Variants in ANKRD1 observed in about 807,000 individuals in gnomAD.
ANKRD1 encodes the protein ankyrin repeat domain 1, also known as ankyrin repeat domain-containing protein 1.
ANKRD1 carries 32 observed loss-of-function variants against 40.1 expected under a neutral mutation model. The observed-to-expected ratio is 0.80, with a 90% CI of 0.60 to 1.07. The LOEUF is 1.07. Among genes scored for constraint, ANKRD1 ranks in the 50% least tolerant of loss-of-function variants. The pLI is 0.00. For synonymous variants in ANKRD1, 149 were observed against 141.2 expected (o/e 1.06, Z -0.39); for missense variants, 359 against 386.0 (o/e 0.93, Z 0.59).
At chr10:90,920,419 G>C in intron 1 of ANKRD1, 71 bp from the exon 2 acceptor site, 1 of 1,572,206 alleles carries the variant, frequency 6.4e-7, no homozygotes, top group South Asian at 1.1e-5. Flanking sequence ...AGACAATGCC[G>C]CAGGAGGCTC....
At chr10:90,913,509 C>T (rs1240530469) in intron 8 of ANKRD1, among the ~76,000 whole-genome samples, 1 of 152,164 alleles carries the variant, frequency 6.6e-6, no homozygotes, top group African/African-American at 2.4e-5. Flanking sequence ...TCAATGGACT[C>T]TCCCAGGAAA....
chr10:90,918,694 T>C (rs1449597233), intron 4 of ANKRD1, among the ~76,000 whole-genome samples, 171 bp downstream of exon 4: 2 of 152,192 alleles, frequency 1.3e-5, no homozygotes, highest in South Asian at 4.1e-4. Flanking sequence ...TAATATCTAT[T>C]TATTTTTTGG....
In ANKRD1 at chr10:90,916,125, G is replaced by A. The variant is rs548071940; in HGVS notation, c.651+46C>T. The A allele has an allele frequency of 3.8e-6, 5 of 1,317,150 alleles. No individual in the cohort carries two copies. The South Asian group carries it at 5.9e-5, about 16-fold the overall frequency. 81.6% of individuals were successfully genotyped at this position (1,317,150 alleles called of 1,614,324 possible). On this transcript the variant is annotated intron_variant, in intron 6 of 8. Coordinates refer to ENST00000371697, the MANE Select transcript of ANKRD1 (RefSeq NM_014391.3). ...GAGAAGTGGAGAAGGATGGGGGACA[G>A]GGAGGGGGAGGGGGTGAATGAAGGG...
At chr10:90,920,394 T>G in intron 1 of ANKRD1, 46 bp from the exon 2 acceptor site, 4 of 1,609,082 alleles carry the variant, frequency 2.5e-6, no homozygotes, top group Non-Finnish European at 3.4e-6. Flanking sequence ...AGCCTCGTCC[T>G]GGGTCATTCT....
At chr10:90,915,299 A>G (rs1847357038) in intron 8 of ANKRD1, among the ~76,000 whole-genome samples, 1 of 152,172 alleles carries the variant, frequency 6.6e-6, no homozygotes, top group Non-Finnish European at 1.5e-5. Flanking sequence ...CCAAATTGTA[A>G]AAGAATTACT....
At chr10:90,917,221 G>T (rs1157633317) in intron 5 of ANKRD1, among the ~76,000 whole-genome samples, 1 of 152,072 alleles carries the variant, frequency 6.6e-6, no homozygotes, top group Non-Finnish European at 1.5e-5. Context: ...CTGCATACTG[G>T]TCTTCGTAGA....
intron 1 of ANKRD1, 41 bp from the exon 2 acceptor site, chr10:90,920,389 C>T (rs371521728): frequency 5.9e-5 from 95 of 1,609,672 alleles, no homozygotes; most frequent in Non-Finnish European, 7.9e-5. Flanking sequence ...GCAGCAGCCT[C>T]GTCCTGGGTC....
chr10:90,917,361 G>C (rs1766816831), intron 5 of ANKRD1, among the ~76,000 whole-genome samples: 2 of 152,194 alleles, frequency 1.3e-5, no homozygotes. Context: ...TGTGCAGCTA[G>C]AGAATTCGTA....
intron 2 of ANKRD1, among the ~76,000 whole-genome samples, chr10:90,919,743 A>G (rs1847414243): frequency 6.6e-6 from 1 of 152,252 alleles, no homozygotes; most frequent in African/African-American, 2.4e-5. Flanking sequence ...AGCTAACTAA[A>G]GCAAATTTTA....
chr10:90,917,229 A>G (rs1847382701), intron 5 of ANKRD1, among the ~76,000 whole-genome samples: 1 of 152,218 alleles, frequency 6.6e-6, no homozygotes, highest in Non-Finnish European at 1.5e-5. Flanking sequence ...TGGTCTTCGT[A>G]GAAATCACAG....
At position 90,912,705 on chromosome 10, in the gene ANKRD1, T is replaced by C. The variant is rs2120259820; in HGVS notation, c.*161A>G. The C allele has an allele frequency of 1.5e-6, 1 of 677,260 alleles. No individual in the cohort carries two copies. The allele number at this position is 677,260 out of a possible 1,614,324, so 42.0% of individuals were successfully genotyped here. A position where few individuals can be genotyped will look rare whatever the true frequency, so the allele number is the denominator to read the frequency against. The stretch of plus-strand genomic sequence containing the variant: ...TAAATAAGAGTTTCACTAAAGGAAA[T>C]TTAAACACCTATAACCCTGTGCTTT... On this transcript the variant is annotated 3_prime_UTR_variant, in exon 9 of 9. Coordinates refer to ENST00000371697, the MANE Select transcript of ANKRD1 (RefSeq NM_014391.3).
intron 4 of ANKRD1, 68 bp from the exon 5 acceptor site, chr10:90,917,898 G>T: frequency 7.7e-7 from 1 of 1,300,124 alleles, no homozygotes; most frequent in Non-Finnish European, 1.1e-6. Context: ...CCTTTTAAGA[G>T]CTATGAAGCT....
rs577632256 is a variant in ANKRD1, at chr10:90,912,795, G to C, written c.*71C>G. 1.5e-6 allele frequency: 2 copies of C among 1,357,770 alleles called. No homozygotes were observed. The highest frequency in any genetic ancestry group is 3.4e-5 in the Admixed American group (2 of 59,636). The allele number at this position is 1,357,770 out of a possible 1,614,324, so 84.1% of individuals were successfully genotyped here. A position where few individuals can be genotyped will look rare whatever the true frequency, so the allele number is the denominator to read the frequency against. On this transcript the variant is annotated 3_prime_UTR_variant, in exon 9 of 9. Transcript: ENST00000371697. Reference sequence around the variant, plus strand: ...AAATAGAAACTAGATTTTATGGCTAGTGTCTCTTCTCTTGGGCCATGCCTT... The same window carrying C: ...AAATAGAAACTAGATTTTATGGCTACTGTCTCTTCTCTTGGGCCATGCCTT...
At chr10:90,920,497 C>A (rs1847425864) in intron 1 of ANKRD1, 149 bp from the exon 2 acceptor site, 2 of 823,666 alleles carry the variant, frequency 2.4e-6, no homozygotes, top group Admixed American at 3.7e-5. Flanking sequence ...CTGCGATGCA[C>A]ACTGCTACAA....
chr10:90,916,278 G>A lies in ANKRD1; in HGVS notation c.553-9C>T. 1 of 1,603,438 alleles carries A rather than the reference G, an allele frequency of 6.2e-7. No individual in the cohort carries two copies. The highest frequency in any genetic ancestry group is 8.5e-7 in the Non-Finnish European group (1 of 1,170,390). On this transcript the variant is annotated splice_polypyrimidine_tract_variant and intron_variant, in intron 5 of 8. Coordinates refer to ENST00000371697, the MANE Select transcript of ANKRD1 (RefSeq NM_014391.3). Reference sequence around the variant, plus strand: ...ATGGCTGTGGATTCAAGCTATACCGGGAGGGAAGACCCGACAATGTGAAGG... The same window carrying A: ...ATGGCTGTGGATTCAAGCTATACCGAGAGGGAAGACCCGACAATGTGAAGG...
chr10:90,916,201 ATTCAG>A lies in ANKRD1; in HGVS notation c.616_620del (p.Leu206Ter). The A allele has an allele frequency of 6.2e-7, 1 of 1,614,060 alleles. No homozygotes were observed. Among genetic ancestry groups the A allele is most frequent in the Non-Finnish European group, 8.5e-7 (1 of 1,179,990 alleles). ...CTCGGGCGCTAATTTTTGCTCCTTT[ATTCAG>A]CAACAATTTTAAAACATCCAGGTTT... On this transcript the variant is annotated frameshift_variant, in exon 6 of 9. Coordinates refer to ENST00000371697, the MANE Select transcript of ANKRD1 (RefSeq NM_014391.3). LOFTEE classifies it high-confidence loss of function.
intron 2 of ANKRD1, 115 bp downstream of exon 2, chr10:90,920,054 C>G: frequency 6.9e-7 from 1 of 1,454,902 alleles, no homozygotes; most frequent in South Asian, 1.1e-5. Flanking sequence ...GGGTTAGAAT[C>G]TGGTAAAGAG....
rs2120259901 is a variant in ANKRD1, at chr10:90,912,789, T to C, written c.*77A>G. 3.9e-6 allele frequency: 5 copies of C among 1,297,030 alleles called. No homozygotes were observed. The highest frequency in any genetic ancestry group is 2.9e-5 in the African/African-American group (2 of 68,874). The allele number at this position is 1,297,030 out of a possible 1,614,324, so 80.3% of individuals were successfully genotyped here. A position where few individuals can be genotyped will look rare whatever the true frequency, so the allele number is the denominator to read the frequency against. On this transcript the variant is annotated 3_prime_UTR_variant, in exon 9 of 9. Transcript: ENST00000371697. ...GTTGATAAATAGAAACTAGATTTTA[T>C]GGCTAGTGTCTCTTCTCTTGGGCCA...
At chr10:90,920,849 A>G (rs1394083839) in intron 1 of ANKRD1, 152 bp downstream of exon 1, 2 of 708,572 alleles carry the variant, frequency 2.8e-6, no homozygotes, top group Non-Finnish European at 4.7e-6. Flanking sequence ...TTTTTTTCCA[A>G]TTTCACTTGT....
Sources: allele counts gnomAD v4.1 joint callset (sites outside exome capture counted in the v4.1 genomes callset), GRCh38; gene constraint gnomAD v4.1.1; transcripts MANE v1.5; gene names NCBI Gene and HGNC (gene_info 2026-07-23, HGNC 2026-07-21).